The following NSUN3 variants were observed in gnomAD, a reference collection of about 807,000 sequenced individuals.
NSUN3 encodes tRNA (cytosine(34)-C(5))-methyltransferase, mitochondrial.
Under a neutral mutation model 36.8 loss-of-function variants are expected in NSUN3, and 24 were observed. The observed-to-expected ratio is 0.65, with a 90% CI of 0.47 to 0.92. NSUN3 has a LOEUF of 0.92. Among genes scored for constraint, NSUN3 ranks in the 40% least tolerant of loss-of-function variants. The probability of loss-of-function intolerance (pLI) is 0.00; values close to 1 mark genes in which losing one functional copy is unlikely to be tolerated. For missense variants in NSUN3, 381 were observed against 392.8 expected (o/e 0.97, Z 0.25); for synonymous variants, 146 against 145.2 (o/e 1.01, Z -0.04).
chr3:94,099,088 T>A (rs1358433356), intron 5 of NSUN3, among the ~76,000 whole-genome samples: 1 of 152,186 alleles, frequency 6.6e-6, no homozygotes, highest in Non-Finnish European at 1.5e-5. Flanking sequence ...ATAGCTGTAA[T>A]TAAATTGATA....
chr3:94,105,085 G>T (rs1168669983), intron 5 of NSUN3, among the ~76,000 whole-genome samples: 1 of 152,172 alleles, frequency 6.6e-6, no homozygotes, highest in Non-Finnish European at 1.5e-5. Flanking sequence ...TAAAAAATTT[G>T]AACTGACTTT....
chr3:94,108,616 C>G (rs2077401579), intron 5 of NSUN3, among the ~76,000 whole-genome samples: 1 of 152,112 alleles, frequency 6.6e-6, no homozygotes, highest in Admixed American at 6.6e-5. Context: ...ACCTCAGCTT[C>G]CCAAAGTGCT....
At chr3:94,118,263 T>C (rs981322168) in intron 5 of NSUN3, among the ~76,000 whole-genome samples, 24 of 152,314 alleles carry the variant, frequency 1.6e-4, no homozygotes, top group Admixed American at 8.5e-4. Context: ...TCCCTAGCTT[T>C]GCATTATAAT....
chr3:94,078,123 G>C (rs1021177288), intron 2 of NSUN3, among the ~76,000 whole-genome samples: 4 of 152,208 alleles, frequency 2.6e-5, no homozygotes, highest in Non-Finnish European at 5.9e-5. Flanking sequence ...GGGTCCCAGA[G>C]ATTCTGGTAT....
chr3:94,076,987 A>G, intron 2 of NSUN3: 1 of 930,302 alleles, frequency 1.1e-6, no homozygotes, highest in Non-Finnish European at 1.8e-6. Context: ...AAGTCGATGA[A>G]TGCTGAAATC....
chr3:94,085,870 C>A (rs1159649685), intron 3 of NSUN3, among the ~76,000 whole-genome samples: 1 of 152,048 alleles, frequency 6.6e-6, no homozygotes, highest in Non-Finnish European at 1.5e-5. Flanking sequence ...ATTAGGTAAG[C>A]ACTCTTTAAG....
rs2077503841 is a variant in NSUN3, at chr3:94,130,075, C to G, written c.*3585C>G. ...ACTGTGTATGTTGTCTTTATTGATG[C>G]TTAAAACAAACTCAGGAATAAGTAT... On this transcript the variant is annotated 3_prime_UTR_variant, in exon 6 of 6. Coordinates refer to ENST00000314622, the MANE Select transcript of NSUN3 (RefSeq NM_022072.5). Among the ~76,000 whole-genome samples the G allele has an allele frequency of 6.6e-6, 1 of 152,060 alleles. No individual in the cohort carries two copies. The highest frequency in any genetic ancestry group is 1.5e-5 in the Non-Finnish European group (1 of 67,996).
Position 94,093,267 on chromosome 3 carries a change from T to C in NSUN3, c.467-873T>C, listed in dbSNP as rs1472104700. On this transcript the variant is annotated intron_variant, in intron 3 of 5. Transcript: ENST00000314622. ...AAAAAAAAAAATATGTAACTGGGCA[T>C]GTCCCTGTGGAGACACTGAAAGCCT... Among the ~76,000 whole-genome samples, 5 of 151,986 alleles carry C rather than the reference T, an allele frequency of 3.3e-5. No individual in the cohort carries two copies. The South Asian group carries it at 8.3e-4, about 25-fold the overall frequency.
intron 5 of NSUN3, among the ~76,000 whole-genome samples, chr3:94,103,643 C>A (rs1192695393): frequency 6.6e-6 from 1 of 151,860 alleles, no homozygotes; most frequent in African/African-American, 2.4e-5. Context: ...CAATTGATAT[C>A]TTTTTCCACT....
At chr3:94,063,576 A>G (rs1369846654) in intron 1 of NSUN3, among the ~76,000 whole-genome samples, 1 of 152,114 alleles carries the variant, frequency 6.6e-6, no homozygotes, top group Non-Finnish European at 1.5e-5. Flanking sequence ...AGAGTTCTCA[A>G]ATACCTTTCA....
intron 2 of NSUN3, among the ~76,000 whole-genome samples, chr3:94,070,728 C>T (rs974266155): frequency 6.6e-6 from 1 of 152,202 alleles, no homozygotes; most frequent in African/African-American, 2.4e-5. Flanking sequence ...ACCATTCTGG[C>T]TTCTATGCTA....
intron 2 of NSUN3, among the ~76,000 whole-genome samples, chr3:94,072,673 G>A (rs950441815): frequency 2.0e-5 from 3 of 152,214 alleles, no homozygotes; most frequent in East Asian, 3.9e-4. Flanking sequence ...TAGTTCAGTA[G>A]GGTTGGGTGT....
intron 2 of NSUN3, among the ~76,000 whole-genome samples, chr3:94,072,133 T>G (rs1038834757): frequency 1.3e-5 from 2 of 152,182 alleles, no homozygotes; most frequent in Non-Finnish European, 2.9e-5. Context: ...GCAAGCTGAT[T>G]TCATTGTTAG....
At position 94,130,310 on chromosome 3, in the gene NSUN3, T is replaced by C. The variant is rs931674507; in HGVS notation, c.*3820T>C. Among the ~76,000 whole-genome samples, 7 of 152,172 alleles carry C rather than the reference T, an allele frequency of 4.6e-5. No homozygotes were observed. In the East Asian group the frequency reaches 9.6e-4, roughly 21 times the overall value. ...TAACATTTTTATGACATCCTAGTAA[T>C]AGCAGACCCTGCACAAAGTGGATAT... On this transcript the variant is annotated 3_prime_UTR_variant, in exon 6 of 6. Transcript: ENST00000314622.
chr3:94,076,724 A>G, intron 2 of NSUN3: 2 of 1,372,628 alleles, frequency 1.5e-6, no homozygotes, highest in Non-Finnish European at 2.1e-6. Flanking sequence ...GTCCAAGATA[A>G]GAACATCACT....
At chr3:94,065,329 C>G (rs111745050) in intron 2 of NSUN3, among the ~76,000 whole-genome samples, 4 of 152,190 alleles carry the variant, frequency 2.6e-5, no homozygotes, top group Non-Finnish European at 5.9e-5. Flanking sequence ...CAGCAAAGGC[C>G]TGAAGGGAAG....
intron 2 of NSUN3, among the ~76,000 whole-genome samples, chr3:94,074,787 AC>A (rs2077239844): frequency 6.6e-6 from 1 of 152,208 alleles, no homozygotes; most frequent in Admixed American, 6.5e-5. Context: ...CTATTTGAAT[AC>A]CCTTTATTTC....
Position 94,127,778 on chromosome 3 carries a change from C to G in NSUN3, c.*1288C>G, listed in dbSNP as rs1382618600. ...GTTCATTATGTTCTGTGCCTTTAAA[C>G]TAGAGACTATTTGCTTATTAATATT... On this transcript the variant is annotated 3_prime_UTR_variant, in exon 6 of 6. Coordinates refer to ENST00000314622, the MANE Select transcript of NSUN3 (RefSeq NM_022072.5). 2.0e-4 allele frequency: 30 copies of G among 152,112 alleles called. No homozygotes were observed. The allele number at this position is 152,112 out of a possible 1,614,324, so 9.4% of individuals were successfully genotyped here.
In NSUN3 at chr3:94,130,157, A is replaced by G. The variant is rs1406591530; in HGVS notation, c.*3667A>G. 6.6e-6 allele frequency among the ~76,000 whole-genome samples: 1 copy of G among 152,200 alleles called. No homozygotes were observed. Among genetic ancestry groups the G allele is most frequent in the African/African-American group, 2.4e-5 (1 of 41,448 alleles). On this transcript the variant is annotated 3_prime_UTR_variant, in exon 6 of 6. Transcript: ENST00000314622. The stretch of plus-strand genomic sequence containing the variant: ...AGCTCAGTTCTGTTTATAGTTTGCC[A>G]AGGCTACACTGGTAAGTAAAGGGTT...
Sources: gnomAD v4.1 joint callset for allele counts (sites outside exome capture counted in the v4.1 genomes callset) on GRCh38, gnomAD v4.1.1 for gene constraint, MANE v1.5 for transcripts, NCBI Gene and HGNC (gene_info 2026-07-23, HGNC 2026-07-21) for gene names.